The following ABCB4 variants were observed in gnomAD, a reference collection of about 807,000 sequenced individuals.
The protein encoded by ABCB4 is phosphatidylcholine translocator ABCB4.
A neutral mutation model predicts 145.7 loss-of-function variants in ABCB4; 76 were observed. That is an observed-to-expected ratio of 0.52 (90% CI 0.43 to 0.63). The LOEUF is 0.63. ABCB4 is among the 30% of genes least tolerant of loss of function. ABCB4 has a pLI of 0.00. For synonymous variants in ABCB4, 517 were observed against 566.8 expected (o/e 0.91, Z 1.25); for missense variants, 1,234 against 1,553.1 (o/e 0.79, Z 3.45).
the ABCB4 span, among the ~76,000 whole-genome samples, chr7:87,386,776 G>T: frequency 6.6e-6 from 1 of 152,124 alleles, no homozygotes; most frequent in Non-Finnish European, 1.5e-5. Flanking sequence ...TTGATTTGGT[G>T]TCTTTTTTGG....
chr7:87,398,502 AATC>A (rs779293195), downstream of ABCB4: 1 of 1,612,498 alleles, frequency 6.2e-7, no homozygotes, highest in Non-Finnish European at 8.5e-7. Flanking sequence ...TGTAATCATT[AATC>A]ATTATTTATG....
Position 87,475,452 on chromosome 7 carries a change from G to A in ABCB4, c.14C>T (p.Ala5Val), listed in dbSNP as rs1191648842. Residue 5 changes from alanine to valine, a missense_variant, in exon 2 of 28, where the codon GCG becomes GTG. Transcript: ENST00000649586. The part of the protein sequence containing the change: MDLE[A>V]AKNGTAWRPT... Reference sequence around the variant, plus strand: ...GCGCCAGGCTGTTCCGTTCTTTGCCGCCTCAAGATCCATCTCAGCCTGAGG... The same window carrying A: ...GCGCCAGGCTGTTCCGTTCTTTGCCACCTCAAGATCCATCTCAGCCTGAGG... 5.6e-6 allele frequency: 9 copies of A among 1,614,146 alleles called. No individual in the cohort carries two copies. The highest frequency in any genetic ancestry group is 7.6e-6 in the Non-Finnish European group (9 of 1,180,014).
intron 12 of ABCB4, 150 bp downstream of exon 12, chr7:87,443,169 G>A (rs914591103): frequency 1.1e-5 from 11 of 957,460 alleles, no homozygotes; most frequent in Non-Finnish European, 1.8e-5. Flanking sequence ...CCAGCCCAAG[G>A]GTGTGAAGGC....
chr7:87,395,850 G>A, the ABCB4 span, among the ~76,000 whole-genome samples: 3 of 152,092 alleles, frequency 2.0e-5, no homozygotes, highest in African/African-American at 4.8e-5. Context: ...GACCTTTAAG[G>A]CTCATTACAT....
chr7:87,443,051 A>G (rs1231920932), intron 12 of ABCB4, among the ~76,000 whole-genome samples: 1 of 152,214 alleles, frequency 6.6e-6, no homozygotes, highest in Non-Finnish European at 1.5e-5. Flanking sequence ...AGTGGTTTGT[A>G]GACTGCTTTG....
chr7:87,367,867 C>T, the ABCB4 span, among the ~76,000 whole-genome samples: 1 of 152,216 alleles, frequency 6.6e-6, no homozygotes, highest in Admixed American at 6.5e-5. Context: ...AGATTGTTCT[C>T]ACCTGGACAA....
At chr7:87,460,103 G>C (rs1050717535) in intron 4 of ABCB4, among the ~76,000 whole-genome samples, 4 of 152,028 alleles carry the variant, frequency 2.6e-5, no homozygotes, top group Non-Finnish European at 5.9e-5. Context: ...TAAAGGGATG[G>C]GTGAGAAACC....
chr7:87,443,368 C>G lies in ABCB4; in HGVS notation c.1307G>C (p.Ser436Thr). The change falls in exon 12 of 28, where the codon AGC (serine) becomes ACC (threonine). Residue 436 changes from serine to threonine, a missense_variant. Around this residue, in one of 7 missense-constraint regions of ABCB4, gnomAD observed 467 missense variants for 632.8 expected, o/e 0.74. Transcript: ENST00000649586. ...ALVGSSGCGK[S>T]TTVQLIQRLY... ...CCTCTGTATCAGCTGGACCGTTGTGCTCTTCCCACAGCCACTACTTCCAAC... is the reference window on the plus strand; with the variant it reads ...CCTCTGTATCAGCTGGACCGTTGTGGTCTTCCCACAGCCACTACTTCCAAC... The G allele has an allele frequency of 6.2e-7, 1 of 1,614,126 alleles. No homozygotes were observed. Among genetic ancestry groups the G allele is most frequent in the Non-Finnish European group, 8.5e-7 (1 of 1,180,012 alleles).
chr7:87,461,499 G>A (rs1458247778), intron 4 of ABCB4, among the ~76,000 whole-genome samples: 1 of 152,148 alleles, frequency 6.6e-6, no homozygotes, highest in African/African-American at 2.4e-5. Context: ...TATCACAGAA[G>A]ATAACATTAC....
chr7:87,416,788 T>C (rs1809003976), intron 21 of ABCB4, among the ~76,000 whole-genome samples: 2 of 152,258 alleles, frequency 1.3e-5, no homozygotes, highest in African/African-American at 2.4e-5. Context: ...CATATAAATA[T>C]GTAGCACAAT....
At chr7:87,440,924 T>C (rs911741462) in intron 12 of ABCB4, among the ~76,000 whole-genome samples, 3 of 152,158 alleles carry the variant, frequency 2.0e-5, no homozygotes, top group African/African-American at 7.2e-5. Flanking sequence ...GTATTTTTAG[T>C]AGAGACGGTG....
chr7:87,395,859 A>G, the ABCB4 span, among the ~76,000 whole-genome samples: 1 of 152,150 alleles, frequency 6.6e-6, no homozygotes, highest in African/African-American at 2.4e-5. Context: ...GGCTCATTAC[A>G]TGCAGGACTC....
At chr7:87,390,011 A>G in the ABCB4 span, among the ~76,000 whole-genome samples, 1 of 152,018 alleles carries the variant, frequency 6.6e-6, no homozygotes, top group African/African-American at 2.4e-5. Context: ...TCTTTTTCCT[A>G]CCTTTCTCTT....
At position 87,402,301 on chromosome 7, in the gene ABCB4, A is replaced by G; in HGVS notation, c.3635T>C (p.Val1212Ala). The change falls in exon 28 of 28, where the codon GTT becomes GCT. Residue 1212 changes from valine (V) to alanine (A), a missense_variant and splice_region_variant. This residue lies in a region of ABCB4 where 6 missense variants were observed against 31.3 expected (regional missense o/e 0.19). Coordinates refer to ENST00000649586, the MANE Select transcript of ABCB4 (RefSeq NM_000443.4). ...GGCTTTGTCCAGGGCTTCTTGGACA[A>G]CCTATTGATAAATCAGACAGACACC... ...TSALDTESEK[V>A]VQEALDKARE... The G allele has an allele frequency of 6.2e-7, 1 of 1,613,990 alleles. No homozygotes were observed. The highest frequency in any genetic ancestry group is 8.5e-7 in the Non-Finnish European group (1 of 1,179,888).
At chr7:87,416,273 G>A (rs1206779386) in intron 21 of ABCB4, among the ~76,000 whole-genome samples, 2 of 152,180 alleles carry the variant, frequency 1.3e-5, no homozygotes, top group African/African-American at 4.8e-5. Context: ...TGGTTAGTCC[G>A]AATGTTAATC....
At chr7:87,437,104 A>AT (rs1370193241) in intron 14 of ABCB4, among the ~76,000 whole-genome samples, 1 of 152,272 alleles carries the variant, frequency 6.6e-6, no homozygotes, top group Non-Finnish European at 1.5e-5. Flanking sequence ...ATGGTCACAG[A>AT]TTTTTTACTG....
chr7:87,391,692 A>T, the ABCB4 span: 2 of 1,609,674 alleles, frequency 1.2e-6, no homozygotes, highest in Non-Finnish European at 1.7e-6. Context: ...GTGCCAGTCC[A>T]TGCAGGATCC....
At chr7:87,393,237 C>T in the ABCB4 span, among the ~76,000 whole-genome samples, 2 of 152,234 alleles carry the variant, frequency 1.3e-5, no homozygotes, top group South Asian at 4.2e-4. Context: ...GTTTCTCTGT[C>T]CTGCTTTTGA....
chr7:87,454,301 A>C (rs566146092), intron 5 of ABCB4, among the ~76,000 whole-genome samples: 11 of 152,328 alleles, frequency 7.2e-5, no homozygotes, highest in African/African-American at 2.2e-4. Flanking sequence ...AATTTACTGA[A>C]GCTAATAGCT....
Sources: gnomAD v4.1 joint callset for allele counts (sites outside exome capture counted in the v4.1 genomes callset) on GRCh38, gnomAD v4.1.1 for gene constraint, gnomAD v4.1.1 regional missense constraint, MANE v1.5 for transcripts, NCBI Gene and HGNC (gene_info 2026-07-23, HGNC 2026-07-21) for gene names.